The following RAD51B variants were observed in gnomAD, a reference collection of about 807,000 sequenced individuals.
RAD51B encodes the protein DNA repair protein RAD51 homolog 2.
A neutral mutation model predicts 42.2 loss-of-function variants in RAD51B; 38 were observed. The observed-to-expected ratio is 0.90, with a 90% CI of 0.70 to 1.18. The LOEUF (loss-of-function observed/expected upper bound fraction) is 1.18, where lower values mean the gene tolerates loss of function less well. Among genes scored for constraint, RAD51B ranks in the 50% most tolerant of loss-of-function variants. RAD51B has a pLI of 0.00. For missense variants in RAD51B, 373 were observed against 400.7 expected (o/e 0.93, Z 0.59); for synonymous variants, 154 against 145.2 (o/e 1.06, Z -0.43).
chr14:68,065,026 C>A (rs2076627483), intron 7 of RAD51B, among the ~76,000 whole-genome samples: 1 of 152,172 alleles, frequency 6.6e-6, no homozygotes, highest in South Asian at 2.1e-4. Context: ...TGTCATGTTT[C>A]ATTGCTTTTC....
chr14:68,067,931 CAAAAAA>C (rs913150528), intron 7 of RAD51B, among the ~76,000 whole-genome samples: 1 of 24,690 alleles, frequency 4.1e-5, no homozygotes, highest in Non-Finnish European at 9.0e-5. Context: ...GACTCCATCT[CAAAAAA>C]AAAAAAAAAA....
chr14:68,320,927 C>T (rs1050109898), intron 8 of RAD51B, among the ~76,000 whole-genome samples: 3 of 152,174 alleles, frequency 2.0e-5, no homozygotes, highest in Non-Finnish European at 4.4e-5. Context: ...CTGGCTCTTT[C>T]TGGTTAAAAG....
At chr14:67,876,033 A>C (rs1237787710) in intron 5 of RAD51B, among the ~76,000 whole-genome samples, 1 of 152,126 alleles carries the variant, frequency 6.6e-6, no homozygotes, top group African/African-American at 2.4e-5. Context: ...ATCATTTGTG[A>C]ATCTAGGTGA....
At chr14:68,643,302 C>T (rs1225029851) in intron 10 of RAD51B, among the ~76,000 whole-genome samples, 1 of 152,170 alleles carries the variant, frequency 6.6e-6, no homozygotes, top group African/African-American at 2.4e-5. Flanking sequence ...GAAGCCTGCT[C>T]TTTCTAAAAT....
intron 7 of RAD51B, among the ~76,000 whole-genome samples, chr14:68,282,994 G>T (rs2139632050): frequency 6.6e-6 from 1 of 152,246 alleles, no homozygotes; most frequent in East Asian, 1.9e-4. Context: ...TATCAGGTTG[G>T]ACTCCCCCAA....
rs1314844737 is a variant in RAD51B, at chr14:68,565,569, TA to T, written c.1037-28914del. On this transcript the variant is annotated intron_variant, in intron 10 of 10. Coordinates refer to the RAD51B transcript ENST00000487270. The surrounding 1 kb of genome is among the most constrained non-coding windows in gnomAD (Gnocchi z 4.1). ...TTGATTCATTGACCCAGTTTTGCAA[TA>T]ATTCTCAAGAGCTGGGAAGAAGTAT... Among the ~76,000 whole-genome samples, 1 of 152,200 alleles carries T rather than the reference TA, an allele frequency of 6.6e-6. No homozygotes were observed. Among genetic ancestry groups the T allele is most frequent in the Non-Finnish European group, 1.5e-5 (1 of 68,048 alleles).
At chr14:68,523,110 T>G (rs923770819) in intron 10 of RAD51B, among the ~76,000 whole-genome samples, 4 of 152,214 alleles carry the variant, frequency 2.6e-5, no homozygotes, top group African/African-American at 7.2e-5. Context: ...TTTTGTGGCC[T>G]GTGTTCCATT....
intron 8 of RAD51B, among the ~76,000 whole-genome samples, chr14:68,300,468 CCAACATG>C (rs902282990): frequency 6.6e-6 from 1 of 152,170 alleles, no homozygotes; most frequent in Non-Finnish European, 1.5e-5. Context: ...CCTCTACCTC[CCAACATG>C]CTGGGATTAC....
intron 5 of RAD51B, chr14:67,885,650 G>T: frequency 3.0e-6 from 1 of 332,970 alleles, no homozygotes; most frequent in Non-Finnish European, 5.3e-6. Flanking sequence ...GATTAGATGA[G>T]ATCCAACAGC....
At chr14:68,110,986 C>G (rs1240418060) in intron 7 of RAD51B, among the ~76,000 whole-genome samples, 1 of 152,008 alleles carries the variant, frequency 6.6e-6, no homozygotes, top group Non-Finnish European at 1.5e-5. Flanking sequence ...GAAGTTCATT[C>G]TTCAGATTAT....
downstream of RAD51B, among the ~76,000 whole-genome samples, chr14:68,614,169 G>C (rs1891778783): frequency 6.6e-6 from 1 of 152,138 alleles, no homozygotes; most frequent in Admixed American, 6.5e-5. Flanking sequence ...AGGCAGCCTG[G>C]TAGCAACCAC....
At chr14:68,123,623 C>G (rs567481422) in intron 7 of RAD51B, among the ~76,000 whole-genome samples, 4 of 152,112 alleles carry the variant, frequency 2.6e-5, no homozygotes, top group African/African-American at 9.7e-5. Flanking sequence ...GTCTGGCCAA[C>G]GTGGTGAAAC....
intron 10 of RAD51B, among the ~76,000 whole-genome samples, chr14:68,522,886 T>C (rs2331707): frequency 0.037 from 5,573 of 152,266 alleles, 111 homozygotes; most frequent in African/African-American, 0.042. Context: ...CTCCTCTCCC[T>C]GACTCAGGAA....
intron 10 of RAD51B, among the ~76,000 whole-genome samples, chr14:68,496,728 A>C (rs995564546): frequency 6.6e-6 from 1 of 152,246 alleles, no homozygotes; most frequent in Non-Finnish European, 1.5e-5. Context: ...TTCGTGATTC[A>C]TAGGAGGAGG....
chr14:68,471,721 T>G (rs894722719), intron 10 of RAD51B, among the ~76,000 whole-genome samples: 1 of 147,980 alleles, frequency 6.8e-6, no homozygotes, highest in Non-Finnish European at 1.5e-5. Flanking sequence ...AGAAAAAAAG[T>G]AAATGAAAGA....
chr14:68,588,906 C>T (rs1386066701), intron 10 of RAD51B, among the ~76,000 whole-genome samples: 1 of 152,192 alleles, frequency 6.6e-6, no homozygotes, highest in Non-Finnish European at 1.5e-5. Context: ...TCCATAAATG[C>T]TGGGCTGATT....
At chr14:68,304,212 G>C (rs116736395) in intron 8 of RAD51B, among the ~76,000 whole-genome samples, 114 of 150,430 alleles carry the variant, frequency 7.6e-4, no homozygotes, top group African/African-American at 2.8e-3. Context: ...CAAGTGTTAT[G>C]TTCCTTTTGC....
intron 7 of RAD51B, among the ~76,000 whole-genome samples, chr14:68,201,417 A>G (rs1439291487): frequency 6.6e-6 from 1 of 152,244 alleles, no homozygotes; most frequent in Non-Finnish European, 1.5e-5. Context: ...TTTAAAAACC[A>G]TTTGGTTTTA....
At chr14:68,390,412 A>T (rs1171399389) in intron 8 of RAD51B, among the ~76,000 whole-genome samples, 1 of 152,258 alleles carries the variant, frequency 6.6e-6, no homozygotes, top group Non-Finnish European at 1.5e-5. Context: ...GATTGTATCT[A>T]TTGGCATATG....
Sources: allele counts gnomAD v4.1 joint callset (sites outside exome capture counted in the v4.1 genomes callset), GRCh38; gene constraint gnomAD v4.1.1; non-coding constraint Gnocchi (gnomAD v3.1); transcripts MANE v1.5; gene names NCBI Gene and HGNC (gene_info 2026-07-23, HGNC 2026-07-21).